Variants in DSC1 observed in about 807,000 individuals in gnomAD.
DSC1 encodes desmocollin 1.
DSC1 carries 79 observed loss-of-function variants against 98.8 expected under a neutral mutation model. That is an observed-to-expected ratio of 0.80 (90% CI 0.67 to 0.96). The LOEUF (loss-of-function observed/expected upper bound fraction) is 0.96. Among genes scored for constraint, DSC1 ranks in the 50% least tolerant of loss-of-function variants. The pLI is 0.00. For synonymous variants in DSC1, 405 were observed against 372.1 expected (o/e 1.09, Z -1.02); for missense variants, 1,115 against 1,075.9 (o/e 1.04, Z -0.51).
intron 5 of DSC1, among the ~76,000 whole-genome samples, chr18:31,152,419 A>G (rs924567755): frequency 6.6e-6 from 1 of 152,230 alleles, no homozygotes; most frequent in Non-Finnish European, 1.5e-5. Flanking sequence ...TACGAAATCA[A>G]ATTATTTCAA....
At chr18:31,160,813 T>C (rs372671525) in intron 1 of DSC1, among the ~76,000 whole-genome samples, 1 of 152,114 alleles carries the variant, frequency 6.6e-6, no homozygotes, top group Non-Finnish European at 1.5e-5. Flanking sequence ...CATAAACACA[T>C]ACATATACAT....
intron 5 of DSC1, among the ~76,000 whole-genome samples, chr18:31,153,781 G>T (rs1568004159): frequency 6.6e-6 from 1 of 151,976 alleles, no homozygotes; most frequent in Non-Finnish European, 1.5e-5. Flanking sequence ...TTTTTAACAA[G>T]TAAATATTTC....
chr18:31,158,965 A>C (rs1373262463), intron 2 of DSC1, among the ~76,000 whole-genome samples: 2 of 151,378 alleles, frequency 1.3e-5, no homozygotes, highest in Non-Finnish European at 2.9e-5. Context: ...TTGGTATTTT[A>C]ATTATTTCTA....
intron 5 of DSC1, chr18:31,150,826 T>C (rs993117621): frequency 6.6e-6 from 1 of 152,230 alleles, no homozygotes; most frequent in Non-Finnish European, 1.5e-5. Flanking sequence ...GCTTGAAGAC[T>C]GAGACTTACT....
chr18:31,135,362 G>A (rs900019256), intron 11 of DSC1, among the ~76,000 whole-genome samples: 2 of 152,066 alleles, frequency 1.3e-5, no homozygotes, highest in African/African-American at 4.8e-5. Context: ...ACAGACAATG[G>A]TAGCCATATT....
chr18:31,142,270 T>A, intron 8 of DSC1, 86 bp from the exon 9 acceptor site: 1 of 1,416,360 alleles, frequency 7.1e-7, no homozygotes, highest in Non-Finnish European at 9.5e-7. Context: ...AAGAAAAAAA[T>A]AAATAAAGTG....
rs560889140 is a variant in DSC1 at position 31,159,047 on chromosome 18, G to GTTTTTTTTTTTTTTTTTTTTT, written c.148+397_148+398insAAAAAAAAAAAAAAAAAAAAA. The stretch of plus-strand genomic sequence containing the variant: ...TTTAACTTCAAGTAGCTACTATGTG[G>GTTTTTTTTTTTTTTTTTTTTT]TTTTTTTTTTTTTTTTTGAGACAGA... On this transcript the variant is annotated intron_variant, in intron 2 of 15. Coordinates refer to ENST00000257198, the MANE Select transcript of DSC1 (RefSeq NM_024421.2). Among the ~76,000 whole-genome samples, 3 of 71,070 alleles carry GTTTTTTTTTTTTTTTTTTTTT rather than the reference G, an allele frequency of 4.2e-5. 1 individual carries two copies. The highest frequency in any genetic ancestry group is 7.6e-5 in the Non-Finnish European group (3 of 39,556). 46.6% of individuals were successfully genotyped at this position (71,070 alleles called of 152,430 possible).
In DSC1 at chr18:31,154,898, A is replaced by C. The variant is rs368656493; in HGVS notation, c.503T>G (p.Ile168Ser). The change falls in exon 5 of 16, where the codon ATC (isoleucine) becomes AGC (serine). Residue 168 changes from isoleucine (I) to serine (S), a missense_variant. Coordinates refer to ENST00000257198, the MANE Select transcript of DSC1 (RefSeq NM_024421.2). ...IQSDAAQNYT[I>S]FYSISGPGVD... is the part of the protein sequence containing the mutation. ...GCCTGGCCCACTTATGGAATAAAAG[A>C]TGGTGTAATTCTGTGCAGCATCAGA... is the stretch of plus-strand genomic sequence containing the variant. 5 of 1,614,084 alleles carry C rather than the reference A, an allele frequency of 3.1e-6. No homozygotes were observed. The highest frequency in any genetic ancestry group is 4.2e-6 in the Non-Finnish European group (5 of 1,179,992).
Position 31,134,143 on chromosome 18 carries a change from AAGAC to A in DSC1, c.1877-17_1877-14del. ...ATGGCAGTTTTACCTAGGGAAAAAAAAGACAGAATATATATGGATTGGCTGTTTA... is the reference window on the plus strand; with the variant it reads ...ATGGCAGTTTTACCTAGGGAAAAAAAAGAATATATATGGATTGGCTGTTTA... On this transcript the variant is annotated splice_polypyrimidine_tract_variant and intron_variant, in intron 12 of 15. Transcript: ENST00000257198. 6.3e-7 allele frequency: 1 copy of A among 1,599,842 alleles called. No homozygotes were observed.
intron 2 of DSC1, 147 bp from the exon 3 acceptor site, chr18:31,157,720 G>T (rs1431585634): frequency 1.4e-6 from 1 of 733,944 alleles, no homozygotes; most frequent in Non-Finnish European, 2.2e-6. Flanking sequence ...ATTCTAAAAC[G>T]TGGGGGCCAT....
chr18:31,132,813 A>G, intron 13 of DSC1, 124 bp from the exon 14 acceptor site: 1 of 828,794 alleles, frequency 1.2e-6, no homozygotes, highest in Non-Finnish European at 1.8e-6. Flanking sequence ...TCAGGTCACA[A>G]GATTTAAAAA....
At chr18:31,141,089 G>GT (rs1483360564) in intron 9 of DSC1, among the ~76,000 whole-genome samples, 1 of 152,112 alleles carries the variant, frequency 6.6e-6, no homozygotes, top group African/African-American at 2.4e-5. Context: ...ATGTGAAACT[G>GT]TAAGTCCAAT....
intron 8 of DSC1, among the ~76,000 whole-genome samples, chr18:31,143,223 T>C (rs549032638): frequency 3.3e-5 from 5 of 151,920 alleles, no homozygotes; most frequent in Admixed American, 6.6e-5. Flanking sequence ...TTGTTTGGAG[T>C]TGTGAGCCAG....
At chr18:31,138,601 G>A (rs118129542) in intron 11 of DSC1, among the ~76,000 whole-genome samples, 1,401 of 120,882 alleles carry the variant, frequency 0.012, 12 homozygotes, top group South Asian at 0.023. Context: ...AGAACACATT[G>A]TTTGCATTTT....
chr18:31,143,779 A>G lies in DSC1; in HGVS notation c.952T>C (p.Tyr318His), dbSNP rs144562406. The G allele has an allele frequency of 9.5e-5, 151 of 1,587,398 alleles. No homozygotes were observed. Among genetic ancestry groups the G allele is most frequent in the Non-Finnish European group, 1.2e-4 (146 of 1,168,422 alleles). The change falls in exon 8 of 16, where the codon TAC becomes CAC. Residue 318 changes from tyrosine to histidine, a missense_variant. Coordinates refer to ENST00000257198, the MANE Select transcript of DSC1 (RefSeq NM_024421.2). Reference sequence around the variant, plus strand: ...TCTCGCACTTCCATTATTAACTGGTAAGTATCACATTTCTGAAAAAAAGGA... The same window carrying G: ...TCTCGCACTTCCATTATTAACTGGTGAGTATCACATTTCTGAAAAAAAGGA... Reference protein sequence around the residue: ...PFLDREKCDTYQLIMEVRDMG... With the variant: ...PFLDREKCDTHQLIMEVRDMG...
At chr18:31,155,927 T>A in intron 4 of DSC1, 116 bp downstream of exon 4, 4 of 1,094,932 alleles carry the variant, frequency 3.7e-6, no homozygotes, top group Non-Finnish European at 5.2e-6. Flanking sequence ...GAATAGATGA[T>A]CATTATTTGT....
Position 31,131,658 on chromosome 18 carries a change from T to A in DSC1, c.2423A>T (p.Gln808Leu), listed in dbSNP as rs566691934. The change falls in exon 15 of 16, where the codon CAG becomes CTG. Residue 808 changes from glutamine to leucine, a missense_variant. Gln to Leu is a moderately radical substitution (Grantham distance 113). Coordinates refer to ENST00000257198, the MANE Select transcript of DSC1 (RefSeq NM_024421.2). ...GTACGCATATCTGCCAGTATCTCCC[T>A]GCCCCACTCCCTTGACGGACTCCAA... ...QTLESVKGVG[Q>L]GDTGRYAYTD... 1 of 1,614,106 alleles carries A rather than the reference T, an allele frequency of 6.2e-7. No homozygotes were observed. The highest frequency in any genetic ancestry group is 1.1e-5 in the South Asian group (1 of 91,082).
At chr18:31,145,173 ACCTCATGATCCGCCCG>A (rs1213947820) in intron 7 of DSC1, among the ~76,000 whole-genome samples, 74 of 150,934 alleles carry the variant, frequency 4.9e-4, no homozygotes, top group African/African-American at 1.7e-3. Context: ...CCATCTCCTA[ACCTCATGATCCGCCCG>A]CCTCAGGCTC....
chr18:31,145,490 C>A lies in DSC1; in HGVS notation c.939+121G>T, dbSNP rs189171856. ...AGGACATCTCCAGAGAAGCCCTAAC[C>A]GCAGCCTACAGAAGCATGCTGAGAA... On this transcript the variant is annotated intron_variant, in intron 7 of 15. Transcript: ENST00000257198. 3.4e-5 allele frequency: 38 copies of A among 1,106,416 alleles called. 1 individual carries two copies. In the East Asian group the frequency reaches 8.4e-4, roughly 24 times the overall value. The allele number at this position is 1,106,416 out of a possible 1,614,324, so 68.5% of individuals were successfully genotyped here.
Sources: gnomAD v4.1 joint callset for allele counts (sites outside exome capture counted in the v4.1 genomes callset) on GRCh38, gnomAD v4.1.1 for gene constraint, MANE v1.5 for transcripts, NCBI Gene and HGNC (gene_info 2026-07-23, HGNC 2026-07-21) for gene names.